The following PDE1A variants were observed in gnomAD, a reference collection of about 807,000 sequenced individuals.
The protein encoded by PDE1A is phosphodiesterase 1A.
A neutral mutation model predicts 61.7 loss-of-function variants in PDE1A; 35 were observed. The observed-to-expected ratio is 0.57, with a 90% CI of 0.43 to 0.75. The LOEUF (loss-of-function observed/expected upper bound fraction) is 0.75, where lower values mean the gene tolerates loss of function less well. PDE1A is among the 30% of genes least tolerant of loss of function. PDE1A has a pLI of 0.00. For synonymous variants in PDE1A, 232 were observed against 213.2 expected, an observed-to-expected ratio of 1.09 and a Z score of -0.77; for missense variants, 597 against 630.6, an observed-to-expected ratio of 0.95 and a Z score of 0.57.
At chr2:182,454,001 C>T (rs1459730070) in intron 2 of PDE1A, among the ~76,000 whole-genome samples, 2 of 151,260 alleles carry the variant, frequency 1.3e-5, no homozygotes, top group Admixed American at 6.6e-5. Flanking sequence ...GATGACATGA[C>T]TGTATATCTA....
intron 1 of PDE1A, among the ~76,000 whole-genome samples, chr2:182,332,629 G>A (rs1448770813): frequency 1.3e-5 from 2 of 152,168 alleles, no homozygotes; most frequent in East Asian, 3.9e-4. Context: ...GGAGTTTGCT[G>A]GGGAGCCACT....
At chr2:182,324,751 G>A (rs893718069) in intron 1 of PDE1A, among the ~76,000 whole-genome samples, 3 of 152,054 alleles carry the variant, frequency 2.0e-5, no homozygotes, top group Non-Finnish European at 4.4e-5. Context: ...CAGCATAGAC[G>A]GTTTGTCCCT....
At chr2:182,593,150 G>A in the PDE1A span, among the ~76,000 whole-genome samples, 1 of 152,214 alleles carries the variant, frequency 6.6e-6, no homozygotes, top group East Asian at 1.9e-4. Flanking sequence ...CACAAGTGTT[G>A]TTAAAAACAT....
the PDE1A span, among the ~76,000 whole-genome samples, chr2:182,615,071 A>G: frequency 3.9e-5 from 6 of 152,244 alleles, no homozygotes; most frequent in Admixed American, 3.9e-4. Flanking sequence ...AAATTCATTT[A>G]TAATTGAATC....
Position 182,191,474 on chromosome 2 carries a change from C to T in PDE1A, c.1126-2414G>A, listed in dbSNP as rs538453124. 2.6e-5 allele frequency among the ~76,000 whole-genome samples: 4 copies of T among 152,116 alleles called. No homozygotes were observed. In the South Asian group the frequency reaches 6.2e-4, roughly 24 times the overall value. Reference sequence around the variant, plus strand: ...TTTTGGGAACCTGATATTAGAGATGCTTATTTAACATATGCTGATACAACT... The same window carrying T: ...TTTTGGGAACCTGATATTAGAGATGTTTATTTAACATATGCTGATACAACT... On this transcript the variant is annotated intron_variant, in intron 10 of 13. Transcript: ENST00000351439.
At chr2:182,159,383 C>T (rs1336436305) in intron 13 of PDE1A, among the ~76,000 whole-genome samples, 1 of 152,102 alleles carries the variant, frequency 6.6e-6, no homozygotes, top group East Asian at 1.9e-4. Flanking sequence ...CATCAGAAAA[C>T]TGGATGGATT....
intron 13 of PDE1A, among the ~76,000 whole-genome samples, chr2:182,170,276 G>C (rs1259351815): frequency 2.6e-5 from 4 of 152,000 alleles, no homozygotes; most frequent in African/African-American, 7.2e-5. Flanking sequence ...TTTCCTTGTA[G>C]AGTTAGCTGT....
chr2:182,697,742 A>G, the PDE1A span, among the ~76,000 whole-genome samples: 2 of 152,198 alleles, frequency 1.3e-5, no homozygotes, highest in Admixed American at 1.3e-4. Context: ...TTGGATTCCA[A>G]AGTCTAGGCT....
chr2:182,205,058 C>A (rs770565068), intron 8 of PDE1A, among the ~76,000 whole-genome samples: 6 of 151,340 alleles, frequency 4.0e-5, no homozygotes, highest in South Asian at 2.1e-4. Flanking sequence ...TTCTTTTTAC[C>A]TTGATTTAAA....
At chr2:182,279,203 G>A (rs542335162) in intron 1 of PDE1A, among the ~76,000 whole-genome samples, 3 of 152,022 alleles carry the variant, frequency 2.0e-5, no homozygotes, top group Non-Finnish European at 4.4e-5. Context: ...AAGAGTTGGA[G>A]GATGAGCAGA....
intron 13 of PDE1A, among the ~76,000 whole-genome samples, chr2:182,174,987 A>G (rs1335726901): frequency 6.6e-6 from 1 of 152,096 alleles, no homozygotes; most frequent in Non-Finnish European, 1.5e-5. Context: ...AAGTAAGAAC[A>G]TGTTGTATTT....
chr2:182,349,775 C>A (rs1389879210), intron 1 of PDE1A, among the ~76,000 whole-genome samples: 4 of 151,996 alleles, frequency 2.6e-5, no homozygotes, highest in African/African-American at 9.7e-5. Flanking sequence ...AAAACAAAAA[C>A]AAAAGCACAC....
intron 1 of PDE1A, among the ~76,000 whole-genome samples, chr2:182,307,425 C>A (rs1269294943): frequency 1.3e-5 from 2 of 152,138 alleles, no homozygotes; most frequent in Non-Finnish European, 2.9e-5. Context: ...CCCTCTCTTG[C>A]CCTTCCACCA....
chr2:182,186,004 C>G (rs765932362), exon 13 of PDE1A: 124 of 1,613,844 alleles, frequency 7.7e-5, no homozygotes, highest in Non-Finnish European at 1.0e-4. Context: ...GGGAATAGGA[C>G]CCATCACTCA....
chr2:182,655,288 A>C, the PDE1A span, among the ~76,000 whole-genome samples: 2 of 152,154 alleles, frequency 1.3e-5, no homozygotes, highest in Non-Finnish European at 2.9e-5. Flanking sequence ...CTCTGTCTAA[A>C]GGTTCTGGCT....
intron 1 of PDE1A, among the ~76,000 whole-genome samples, chr2:182,390,407 G>A (rs1170480817): frequency 6.6e-6 from 1 of 152,136 alleles, no homozygotes; most frequent in Admixed American, 6.5e-5. Context: ...CTTTTGAGGG[G>A]CAAGGAGTTT....
At chr2:182,287,571 C>A (rs1335208371) in intron 1 of PDE1A, among the ~76,000 whole-genome samples, 1 of 152,076 alleles carries the variant, frequency 6.6e-6, no homozygotes, top group Non-Finnish European at 1.5e-5. Context: ...ATAAAGTTTG[C>A]TGAACTTTCT....
chr2:182,548,060 T>C, the PDE1A span, among the ~76,000 whole-genome samples: 1 of 152,324 alleles, frequency 6.6e-6, no homozygotes, highest in Non-Finnish European at 1.5e-5. Context: ...TATCACAAGT[T>C]TAAAATAAAC....
At chr2:182,382,138 GA>G (rs1700773446) in intron 1 of PDE1A, among the ~76,000 whole-genome samples, 1 of 152,108 alleles carries the variant, frequency 6.6e-6, no homozygotes, top group South Asian at 2.1e-4. Flanking sequence ...CTGTGACTAT[GA>G]TAAAATATTA....
Sources: gnomAD v4.1 joint callset for allele counts (sites outside exome capture counted in the v4.1 genomes callset) on GRCh38, gnomAD v4.1.1 for gene constraint, MANE v1.5 for transcripts, NCBI Gene and HGNC (gene_info 2026-07-23, HGNC 2026-07-21) for gene names.